Variants in ZFAT observed in about 807,000 individuals in gnomAD.
ZFAT encodes zinc finger and AT-hook domain containing, also known as zinc finger protein ZFAT.
In ZFAT, 64 loss-of-function variants were observed where a neutral mutation model predicts 117.7. That is an observed-to-expected ratio of 0.54 (90% CI 0.44 to 0.67). ZFAT has a LOEUF of 0.67. Ranked by LOEUF, ZFAT falls within the 30% of genes least tolerant of loss-of-function variation. ZFAT has a pLI of 0.00. For missense variants in ZFAT, 1,433 were observed against 1,584.5 expected (o/e 0.90, Z 1.62); for synonymous variants, 679 against 615.0 (o/e 1.10, Z -1.54).
chr8:134,781,484 T>C, the ZFAT span, among the ~76,000 whole-genome samples: 6 of 152,196 alleles, frequency 3.9e-5, no homozygotes, highest in African/African-American at 1.4e-4. Flanking sequence ...TAAAATGTAA[T>C]ACCCTTAAAG....
chr8:134,664,750 A>T (rs1454565476), intron 1 of ZFAT, among the ~76,000 whole-genome samples: 2 of 152,274 alleles, frequency 1.3e-5, no homozygotes, highest in Non-Finnish European at 2.9e-5. Context: ...TATGAAAAAA[A>T]TATATCTTGC....
chr8:134,499,859 G>A (rs372397268), intron 15 of ZFAT, among the ~76,000 whole-genome samples: 6 of 152,328 alleles, frequency 3.9e-5, no homozygotes, highest in Admixed American at 6.5e-5. Flanking sequence ...GCAGACGTCC[G>A]GTGGGAGAGG....
At chr8:134,780,471 A>G in the ZFAT span, among the ~76,000 whole-genome samples, 8 of 152,218 alleles carry the variant, frequency 5.3e-5, no homozygotes, top group African/African-American at 1.9e-4. Context: ...CCTTGTCCAC[A>G]TGAATGTATT....
At position 134,506,405 on chromosome 8, in the gene ZFAT, C is replaced by G. The variant is rs899793744; in HGVS notation, c.3492+3214G>C. Among the ~76,000 whole-genome samples, 7 of 152,174 alleles carry G rather than the reference C, an allele frequency of 4.6e-5. No individual in the cohort carries two copies. In the South Asian group the frequency reaches 6.2e-4, roughly 14 times the overall value. On this transcript the variant is annotated intron_variant, in intron 15 of 15. Transcript: ENST00000377838. Reference sequence around the variant, plus strand: ...TGAATCTATTTTTAATGCCAACACTCAAGAAAAGAGGGAAAGTGACAAGAA... The same window carrying G: ...TGAATCTATTTTTAATGCCAACACTGAAGAAAAGAGGGAAAGTGACAAGAA...
At chr8:134,632,733 A>G (rs540711121) in intron 3 of ZFAT, among the ~76,000 whole-genome samples, 13 of 152,390 alleles carry the variant, frequency 8.5e-5, no homozygotes, top group African/African-American at 2.6e-4. Flanking sequence ...AAAAAAAGCA[A>G]TGCTACAAAG....
At chr8:134,624,594 T>G (rs181607764) in intron 3 of ZFAT, among the ~76,000 whole-genome samples, 1 of 152,032 alleles carries the variant, frequency 6.6e-6, no homozygotes, top group Non-Finnish European at 1.5e-5. Context: ...GAGGTGGAGG[T>G]TGCAATGAGC....
chr8:134,807,423 A>C, the ZFAT span, among the ~76,000 whole-genome samples: 5 of 146,566 alleles, frequency 3.4e-5, no homozygotes, highest in Non-Finnish European at 4.5e-5. Context: ...TTTGTAACTT[A>C]AGATAAATAT....
chr8:134,800,706 A>C, the ZFAT span: 1 of 356,310 alleles, frequency 2.8e-6, no homozygotes, highest in Non-Finnish European at 5.7e-6. Context: ...AAATGAGGCA[A>C]GACTCAATCG....
At chr8:134,813,671 G>A in the ZFAT span, among the ~76,000 whole-genome samples, 1 of 152,042 alleles carries the variant, frequency 6.6e-6, no homozygotes, top group Admixed American at 6.6e-5. Context: ...TGCCTCAGCC[G>A]CCTCCCAAAG....
chr8:134,649,777 T>C (rs1831124049), intron 2 of ZFAT, among the ~76,000 whole-genome samples: 1 of 152,206 alleles, frequency 6.6e-6, no homozygotes, highest in East Asian at 1.9e-4. Flanking sequence ...AAGATGGCAG[T>C]AGTCTCTAAA....
the ZFAT span, among the ~76,000 whole-genome samples, chr8:134,731,112 A>C: frequency 3.3e-5 from 5 of 152,226 alleles, no homozygotes; most frequent in Non-Finnish European, 7.3e-5. Context: ...TGTCAGAAGG[A>C]TATGGAGCAA....
intron 11 of ZFAT, 28 bp from the exon 12 acceptor site, chr8:134,533,000 A>C: frequency 6.3e-7 from 1 of 1,581,318 alleles, no homozygotes; most frequent in South Asian, 1.2e-5. Context: ...AGGGGTTAGG[A>C]AAGGTGAGCC....
At chr8:134,521,379 A>G (rs866123276) in intron 12 of ZFAT, among the ~76,000 whole-genome samples, 1 of 152,308 alleles carries the variant, frequency 6.6e-6, no homozygotes, top group African/African-American at 2.4e-5. Context: ...AACGAGAACA[A>G]TGGAAAGGGA....
At chr8:134,736,830 C>T in the ZFAT span, among the ~76,000 whole-genome samples, 1 of 152,128 alleles carries the variant, frequency 6.6e-6, no homozygotes, top group Non-Finnish European at 1.5e-5. Flanking sequence ...AACCAATTCT[C>T]CCACGTCAGC....
intron 1 of ZFAT, chr8:134,696,422 G>A (rs1257417903): frequency 2.0e-6 from 2 of 985,482 alleles, no homozygotes; most frequent in Non-Finnish European, 2.4e-6. Flanking sequence ...CTCGCATCGG[G>A]AGAATTACCT....
intron 4 of ZFAT, among the ~76,000 whole-genome samples, chr8:134,610,098 T>C (rs2315837): frequency 0.58 from 88,051 of 152,056 alleles, 26,296 homozygotes; most frequent in East Asian, 0.89. Flanking sequence ...CTGAATGGGC[T>C]GGCCTCACAT....
intron 6 of ZFAT, among the ~76,000 whole-genome samples, chr8:134,601,124 A>G (rs1827410726): frequency 6.6e-6 from 1 of 152,210 alleles, no homozygotes; most frequent in Admixed American, 6.5e-5. Context: ...AGCCACTTTC[A>G]TAACCTCTCT....
At chr8:134,747,173 C>T in the ZFAT span, among the ~76,000 whole-genome samples, 5 of 152,182 alleles carry the variant, frequency 3.3e-5, no homozygotes, top group South Asian at 2.1e-4. Context: ...ACTGCAGCCT[C>T]GACCTCCCAG....
chr8:134,593,740 T>C (rs1012657949), intron 7 of ZFAT, among the ~76,000 whole-genome samples: 10 of 151,980 alleles, frequency 6.6e-5, no homozygotes, highest in African/African-American at 2.4e-4. Flanking sequence ...AAGGTGGGGG[T>C]TTCTACTCAA....
Sources: gnomAD v4.1 joint callset for allele counts (sites outside exome capture counted in the v4.1 genomes callset) on GRCh38, gnomAD v4.1.1 for gene constraint, MANE v1.5 for transcripts, NCBI Gene and HGNC (gene_info 2026-07-23, HGNC 2026-07-21) for gene names.